ZBTB7C: variants seen among roughly 807,000 people sequenced by gnomAD.
ZBTB7C encodes zinc finger and BTB domain containing 7C, also known as zinc finger and BTB domain-containing protein 7C.
A neutral mutation model predicts 25.7 loss-of-function variants in ZBTB7C; 8 were observed. That is an observed-to-expected ratio of 0.31 (90% CI 0.18 to 0.56). The LOEUF is 0.56. Ranked by LOEUF, ZBTB7C falls within the 20% of genes least tolerant of loss-of-function variation. The pLI, the probability that ZBTB7C is intolerant of heterozygous loss-of-function variation, is 0.91. For synonymous variants in ZBTB7C, 394 were observed against 369.0 expected (o/e 1.07, Z -0.78); for missense variants, 824 against 855.2 (o/e 0.96, Z 0.46).
At chr18:48,036,651 C>T (rs1227075859) in intron 4 of ZBTB7C, among the ~76,000 whole-genome samples, 1 of 152,146 alleles carries the variant, frequency 6.6e-6, no homozygotes, top group African/African-American at 2.4e-5. Flanking sequence ...TGGGTCCTTG[C>T]TGCGGGGACA....
At position 48,113,327 on chromosome 18, in the gene ZBTB7C, A is replaced by C. The variant is rs181079372; in HGVS notation, c.-16-72204T>G. On this transcript the variant is annotated intron_variant, in intron 3 of 4. Transcript: ENST00000590800. Reference sequence around the variant, plus strand: ...GGTTATGGATGTACATGAACAAGTGAAACTACCCCCATCACAAGGAAAAAC... The same window carrying C: ...GGTTATGGATGTACATGAACAAGTGCAACTACCCCCATCACAAGGAAAAAC... Among the ~76,000 whole-genome samples the C allele has an allele frequency of 2.0e-3, 304 of 152,352 alleles. 1 individual carries two copies. The highest frequency in any genetic ancestry group is 3.7e-3 in the Non-Finnish European group (249 of 68,034).
intron 3 of ZBTB7C, among the ~76,000 whole-genome samples, chr18:48,070,864 C>G (rs1324685828): frequency 6.6e-6 from 1 of 152,186 alleles, no homozygotes; most frequent in African/African-American, 2.4e-5. Flanking sequence ...AGTTTTCCCC[C>G]TTTCCCCACT....
chr18:48,231,033 A>C (rs1428622358), intron 2 of ZBTB7C, among the ~76,000 whole-genome samples: 1 of 152,126 alleles, frequency 6.6e-6, no homozygotes, highest in Admixed American at 6.5e-5. Context: ...GGAGAACGGG[A>C]GGGAGTCTGA....
At chr18:48,342,869 T>C (rs1174466209) in intron 1 of ZBTB7C, among the ~76,000 whole-genome samples, 1 of 152,160 alleles carries the variant, frequency 6.6e-6, no homozygotes, top group Non-Finnish European at 1.5e-5. Flanking sequence ...ATTGCCTGGA[T>C]TTTTAACAAC....
rs1199568306 is a variant in ZBTB7C at position 48,284,814 on chromosome 18, G to A, written c.-79+53360C>T. 2.2e-3 allele frequency among the ~76,000 whole-genome samples: 221 copies of A among 101,316 alleles called. 4 individuals are homozygous for A. Among genetic ancestry groups the A allele is most frequent in the African/African-American group, 3.2e-3 (71 of 22,278 alleles). The allele number at this position is 101,316 out of a possible 152,430, so 66.5% of individuals were successfully genotyped here. ...TCCAAAAAAAAAAAAAAAAAAAACA[G>A]AGAGAGAGAGAGAGAAGAAAGAAAC... On this transcript the variant is annotated intron_variant, in intron 2 of 4. Coordinates refer to ENST00000590800, the MANE Select transcript of ZBTB7C (RefSeq NM_001318841.2).
intron 2 of ZBTB7C, among the ~76,000 whole-genome samples, chr18:48,247,867 G>T (rs552766625): frequency 1.2e-4 from 18 of 152,300 alleles, no homozygotes; most frequent in Admixed American, 3.9e-4. Context: ...CTGCGAAGAG[G>T]TGCTGATATG....
chr18:48,184,877 G>A (rs1272123963), intron 3 of ZBTB7C, among the ~76,000 whole-genome samples: 1 of 151,946 alleles, frequency 6.6e-6, no homozygotes, highest in Non-Finnish European at 1.5e-5. Flanking sequence ...CTGAGACAAA[G>A]GGAGTATCTC....
chr18:48,396,486 A>C (rs2048030812), intron 1 of ZBTB7C, among the ~76,000 whole-genome samples: 1 of 152,246 alleles, frequency 6.6e-6, no homozygotes, highest in Admixed American at 6.5e-5. Context: ...ACAGGTTCCC[A>C]AGGGCTAAAG....
At chr18:48,046,401 AG>A (rs1172558925) in intron 3 of ZBTB7C, among the ~76,000 whole-genome samples, 3 of 152,148 alleles carry the variant, frequency 2.0e-5, no homozygotes, top group African/African-American at 7.2e-5. Flanking sequence ...TGACCCTCAA[AG>A]GGGTCTTCCC....
intron 3 of ZBTB7C, among the ~76,000 whole-genome samples, chr18:48,068,907 G>A (rs2037437513): frequency 6.6e-6 from 1 of 152,230 alleles, no homozygotes. Context: ...CTCAGGAGGG[G>A]GCCGAGGACA....
At chr18:48,162,580 G>A (rs2041101442) in intron 3 of ZBTB7C, among the ~76,000 whole-genome samples, 1 of 152,150 alleles carries the variant, frequency 6.6e-6, no homozygotes, top group Non-Finnish European at 1.5e-5. Flanking sequence ...TCCTATGCAC[G>A]AGGGAGATCA....
At chr18:48,174,509 A>G (rs758095754) in intron 3 of ZBTB7C, among the ~76,000 whole-genome samples, 1 of 152,258 alleles carries the variant, frequency 6.6e-6, no homozygotes, top group Admixed American at 6.5e-5. Context: ...GAATCTGGCA[A>G]CGCCTAACAA....
At chr18:48,211,011 C>A (rs898729728) in intron 2 of ZBTB7C, among the ~76,000 whole-genome samples, 1 of 152,018 alleles carries the variant, frequency 6.6e-6, no homozygotes, top group Non-Finnish European at 1.5e-5. Context: ...ATCAATGGAA[C>A]AAAGACAGTT....
chr18:48,262,798 G>C (rs1436544986), intron 2 of ZBTB7C, among the ~76,000 whole-genome samples: 1 of 152,176 alleles, frequency 6.6e-6, no homozygotes, highest in African/African-American at 2.4e-5. Context: ...GGCAGTTTCA[G>C]GCTCCACCAA....
chr18:48,042,439 CA>C (rs985162932), intron 3 of ZBTB7C, among the ~76,000 whole-genome samples: 5 of 152,088 alleles, frequency 3.3e-5, no homozygotes, highest in Non-Finnish European at 7.4e-5. Flanking sequence ...GGGGAGAAAA[CA>C]AAAAGGAAAA....
At chr18:48,310,187 G>A (rs575694971) in intron 2 of ZBTB7C, among the ~76,000 whole-genome samples, 22 of 151,154 alleles carry the variant, frequency 1.5e-4, no homozygotes, top group South Asian at 8.4e-4. Context: ...CCGAGATCAC[G>A]CCACTGCACT....
intron 2 of ZBTB7C, among the ~76,000 whole-genome samples, chr18:48,336,293 C>A (rs1273496628): frequency 3.9e-5 from 6 of 152,258 alleles, no homozygotes; most frequent in Non-Finnish European, 4.4e-5. Flanking sequence ...TTAGAAGGCA[C>A]TTCTCCCAGC....
rs181469154 is a variant in ZBTB7C, at chr18:48,159,674, T to A, written c.-17+26260A>T. On this transcript the variant is annotated intron_variant, in intron 3 of 4. Coordinates refer to ENST00000590800, the MANE Select transcript of ZBTB7C (RefSeq NM_001318841.2). ...AAAATATTATTTTAATCATTCATTTTACCCTCTTTCTTCTCCAAATACTTT... is the reference window on the plus strand; with the variant it reads ...AAAATATTATTTTAATCATTCATTTAACCCTCTTTCTTCTCCAAATACTTT... Among the ~76,000 whole-genome samples the A allele has an allele frequency of 5.2e-3, 787 of 152,372 alleles. 5 individuals are homozygous for A. Among genetic ancestry groups the A allele is most frequent in the African/African-American group, 0.018 (756 of 41,592 alleles).
chr18:48,102,930 G>C (rs1206774774), intron 3 of ZBTB7C, among the ~76,000 whole-genome samples: 1 of 151,572 alleles, frequency 6.6e-6, no homozygotes, highest in Non-Finnish European at 1.5e-5. Context: ...CCTGTTGTTT[G>C]GTTTTCAATT....
Sources: allele counts gnomAD v4.1 joint callset (sites outside exome capture counted in the v4.1 genomes callset), GRCh38; gene constraint gnomAD v4.1.1; transcripts MANE v1.5; gene names NCBI Gene and HGNC (gene_info 2026-07-23, HGNC 2026-07-21).